Variants in KLHL22 observed in about 807,000 individuals in gnomAD.
KLHL22 encodes kelch-like protein 22.
In KLHL22, 18 loss-of-function variants were observed where a neutral mutation model predicts 60.7. That is an observed-to-expected ratio of 0.30 (90% CI 0.20 to 0.44). KLHL22 has a LOEUF of 0.44. Among genes scored for constraint, KLHL22 ranks in the 20% least tolerant of loss-of-function variants. The pLI is 1.00. For synonymous variants in KLHL22, 355 were observed against 354.5 expected, an observed-to-expected ratio of 1.00 and a Z score of -0.01; for missense variants, 596 against 852.3, an observed-to-expected ratio of 0.70 and a Z score of 3.74.
In KLHL22 at chr22:20,465,067, C is replaced by T; in HGVS notation, c.903G>A (p.Val301=). The change falls in exon 4 of 7, where the codon GTG becomes GTA. Residue 301 remains valine, a synonymous_variant. Coordinates refer to ENST00000328879, the MANE Select transcript of KLHL22 (RefSeq NM_032775.4). The surrounding 1 kb of genome is among the most constrained non-coding windows in gnomAD (Gnocchi z 4.9). Reference sequence around the variant, plus strand: ...GCGTGGAGTGAATGCCCCCGAAGCCCACAACGCACTGGAAGTCCGACCGCA... The same window carrying T: ...GCGTGGAGTGAATGCCCCCGAAGCCTACAACGCACTGGAAGTCCGACCGCA... The part of the protein sequence containing the change: ...TELRSDFQCV[V]GFGGIHSTPS... 4 of 1,612,800 alleles carry T rather than the reference C, an allele frequency of 2.5e-6. No individual in the cohort carries two copies. Among genetic ancestry groups the T allele is most frequent in the Non-Finnish European group, 3.4e-6 (4 of 1,179,206 alleles).
intron 3 of KLHL22, among the ~76,000 whole-genome samples, chr22:20,470,052 T>C (rs1051628436): frequency 2.0e-5 from 3 of 151,970 alleles, no homozygotes; most frequent in African/African-American, 7.3e-5. Context: ...TAAAGTTCAA[T>C]AACAGGTTGG....
chr22:20,467,727 C>T (rs554293685), intron 3 of KLHL22, among the ~76,000 whole-genome samples: 1 of 152,256 alleles, frequency 6.6e-6, no homozygotes, highest in South Asian at 2.1e-4. Flanking sequence ...GGCACGATCT[C>T]GGCTCACTGC....
chr22:20,470,680 G>GTGGATGGA (rs538204093), intron 3 of KLHL22, among the ~76,000 whole-genome samples: 198 of 149,600 alleles, frequency 1.3e-3, no homozygotes, highest in East Asian at 0.012. Flanking sequence ...GGATGGATGG[G>GTGGATGGA]TGGATGGATG....
In KLHL22 at chr22:20,474,232, C is replaced by A. The variant is rs185383351; in HGVS notation, c.228-2717G>T. On this transcript the variant is annotated intron_variant, in intron 2 of 6. Transcript: ENST00000328879. ...GCCAGAATGGTCTTGATCTCCTGACCTCGTGATCTGCCTGCCTCGGCCTCC... is the reference window on the plus strand; with the variant it reads ...GCCAGAATGGTCTTGATCTCCTGACATCGTGATCTGCCTGCCTCGGCCTCC... 4.0e-3 allele frequency among the ~76,000 whole-genome samples: 605 copies of A among 152,238 alleles called. 2 individuals carry two copies. The highest frequency in any genetic ancestry group is 6.9e-3 in the Non-Finnish European group (472 of 68,020).
rs990434097 is a variant in KLHL22, at chr22:20,465,411, T to C, written c.559A>G (p.Lys187Glu). The C allele has an allele frequency of 1.2e-6, 2 of 1,614,120 alleles. No individual in the cohort carries two copies. The highest frequency in any genetic ancestry group is 8.5e-7 in the Non-Finnish European group (1 of 1,180,012). The change falls in exon 4 of 7, where the codon AAG becomes GAG. Residue 187 changes from lysine to glutamate, a missense_variant. Physicochemically the swap from Lys to Glu is moderately conservative, Grantham distance 56. Transcript: ENST00000328879. The surrounding 1 kb of genome is among the most constrained non-coding windows in gnomAD (Gnocchi z 4.9). ...KNFVAFSRTDKYRQLPLEKVY... is the reference protein window; with the variant it reads ...KNFVAFSRTDEYRQLPLEKVY... Reference sequence around the variant, plus strand: ...TTCTCCAATGGAAGCTGGCGGTACTTGTCAGTCCGAGAGAAGGCCACAAAG... The same window carrying C: ...TTCTCCAATGGAAGCTGGCGGTACTCGTCAGTCCGAGAGAAGGCCACAAAG...
chr22:20,487,076 C>T (rs1468884069), intron 2 of KLHL22, among the ~76,000 whole-genome samples: 2 of 152,068 alleles, frequency 1.3e-5, no homozygotes, highest in South Asian at 2.1e-4. Flanking sequence ...TGTGCCACCA[C>T]GCCCCGCTAG....
At position 20,442,516 on chromosome 22, in the gene KLHL22, A is replaced by T. The variant is rs2052778171; in HGVS notation, c.1540-78T>A. 2.0e-6 allele frequency: 3 copies of T among 1,474,990 alleles called. 1 individual carries two copies. 91.4% of individuals were successfully genotyped at this position (1,474,990 alleles called of 1,614,324 possible). On this transcript the variant is annotated intron_variant, in intron 6 of 6. Coordinates refer to ENST00000328879, the MANE Select transcript of KLHL22 (RefSeq NM_032775.4). Reference sequence around the variant, plus strand: ...AGCTCCCCCACAAGCCCACTGACCAAGGTGGCAACAGTTACCCACCATTCT... The same window carrying T: ...AGCTCCCCCACAAGCCCACTGACCATGGTGGCAACAGTTACCCACCATTCT...
chr22:20,449,355 C>T (rs1190121941), intron 5 of KLHL22, among the ~76,000 whole-genome samples: 4 of 150,394 alleles, frequency 2.7e-5, no homozygotes, highest in South Asian at 2.1e-4. Flanking sequence ...CCACCGTGCC[C>T]GGCTTCTTTT....
At chr22:20,458,065 C>T (rs1450241575) in intron 4 of KLHL22, 65 bp from the exon 5 acceptor site, 3 of 1,555,716 alleles carry the variant, frequency 1.9e-6, no homozygotes, top group Middle Eastern at 1.9e-4. Context: ...CAGGCTTGCA[C>T]CTCTTGTTCT....
chr22:20,484,732 T>G (rs971050371), intron 2 of KLHL22, among the ~76,000 whole-genome samples: 4 of 70,218 alleles, frequency 5.7e-5, no homozygotes, highest in African/African-American at 2.7e-4. Flanking sequence ...GTGCTCAGCC[T>G]TTTTTTTTTT....
At chr22:20,449,953 C>T (rs1006411359) in intron 5 of KLHL22, among the ~76,000 whole-genome samples, 11 of 152,180 alleles carry the variant, frequency 7.2e-5, no homozygotes, top group Non-Finnish European at 1.5e-4. Context: ...CCAGAGCCTC[C>T]GGGCCGGGGC....
At chr22:20,462,521 ATTTTT>A (rs558617516) in intron 4 of KLHL22, among the ~76,000 whole-genome samples, 1 of 134,738 alleles carries the variant, frequency 7.4e-6, no homozygotes, top group Non-Finnish European at 1.6e-5. Context: ...GGCCCAGCTA[ATTTTT>A]TTTTTTTTTT....
intron 5 of KLHL22, chr22:20,451,207 C>T: frequency 6.3e-7 from 1 of 1,598,696 alleles, no homozygotes; most frequent in Non-Finnish European, 8.6e-7. Flanking sequence ...TTCTGTGGCC[C>T]CTATGAATGT....
chr22:20,494,930 A>C (rs1000388915), intron 1 of KLHL22, among the ~76,000 whole-genome samples: 4 of 152,218 alleles, frequency 2.6e-5, no homozygotes, highest in Admixed American at 2.6e-4. Flanking sequence ...TATCCCCTCA[A>C]AGAAACTCAA....
intron 2 of KLHL22, among the ~76,000 whole-genome samples, chr22:20,486,029 G>A (rs992080126): frequency 8.1e-5 from 12 of 147,766 alleles, no homozygotes; most frequent in South Asian, 6.4e-4. Flanking sequence ...TTAGCCGGGC[G>A]TGGTGGCGCA....
chr22:20,486,690 T>C lies in KLHL22; in HGVS notation c.227+2295A>G, dbSNP rs1024799716. On this transcript the variant is annotated intron_variant, in intron 2 of 6. Transcript: ENST00000328879. ...GAATGGTCTATTTCTTTTCTTTTTT[T>C]TTTTTTTTGAGACGGAGTTTCATTC... Among the ~76,000 whole-genome samples, 24 of 152,124 alleles carry C rather than the reference T, an allele frequency of 1.6e-4. No homozygotes were observed. In the East Asian group the frequency reaches 4.2e-3, roughly 27 times the overall value.
rs190731240 is a variant in KLHL22 at position 20,453,620 on chromosome 22, A to C, written c.1305+4188T>G. Among the ~76,000 whole-genome samples the C allele has an allele frequency of 2.0e-5, 3 of 152,324 alleles. No homozygotes were observed. In the East Asian group the frequency reaches 5.8e-4, roughly 29 times the overall value. ...TATCGTTCTTTTTCAAAATTATTTG[A>C]GCTATTCTAGTTCCTTTGCCTTTAT... is the stretch of plus-strand genomic sequence containing the variant. On this transcript the variant is annotated intron_variant, in intron 5 of 6. Coordinates refer to ENST00000328879, the MANE Select transcript of KLHL22 (RefSeq NM_032775.4).
At chr22:20,488,924 T>C in intron 2 of KLHL22, 61 bp downstream of exon 2, 1 of 1,499,060 alleles carries the variant, frequency 6.7e-7, no homozygotes, top group African/African-American at 1.4e-5. Context: ...GCCAGTACCT[T>C]TACTAGCAGA....
chr22:20,473,392 G>A (rs941557411), intron 2 of KLHL22, among the ~76,000 whole-genome samples: 5 of 152,202 alleles, frequency 3.3e-5, no homozygotes, highest in Non-Finnish European at 5.9e-5. Context: ...CCGTGATTGT[G>A]TGATCAGTGT....
Sources: allele counts gnomAD v4.1 joint callset (sites outside exome capture counted in the v4.1 genomes callset), GRCh38; gene constraint gnomAD v4.1.1; non-coding constraint Gnocchi (gnomAD v3.1); transcripts MANE v1.5; gene names NCBI Gene and HGNC (gene_info 2026-07-23, HGNC 2026-07-21).